Variants in PKP3 observed in about 807,000 individuals in gnomAD.
PKP3 encodes plakophilin 3.
In PKP3, 66 loss-of-function variants were observed where a neutral mutation model predicts 76.5. The observed-to-expected ratio is 0.86, with a 90% CI of 0.71 to 1.06. The LOEUF (loss-of-function observed/expected upper bound fraction) is 1.06. PKP3 is among the 50% of genes least tolerant of loss of function. The pLI, the probability that PKP3 is intolerant of heterozygous loss-of-function variation, is 0.00. For missense variants in PKP3, 1,338 were observed against 1,141.0 expected (o/e 1.17, Z -2.49); for synonymous variants, 638 against 516.5 (o/e 1.24, Z -3.19).
At chr11:403,830 A>C (rs1847202908) in intron 10 of PKP3, 59 bp downstream of exon 10, 5 of 1,595,008 alleles carry the variant, frequency 3.1e-6, no homozygotes, top group Non-Finnish European at 4.3e-6. Flanking sequence ...TTTTGTCTTT[A>C]AGTGTGGGCT....
At chr11:394,049 G>C, upstream of PKP3, 2 of 499,046 alleles carry the variant, frequency 4.0e-6, no homozygotes, top group Non-Finnish European at 6.8e-6. Context: ...CTGGGACCTG[G>C]GGCCATGCAG....
chr11:399,034 AAC>A lies in PKP3; in HGVS notation c.1112_1113del (p.Asn371ThrfsTer23). 2.5e-6 allele frequency: 4 copies of A among 1,604,586 alleles called. No homozygotes were observed. Among genetic ancestry groups the A allele is most frequent in the Non-Finnish European group, 3.4e-6 (4 of 1,174,228 alleles). Reference sequence around the variant, plus strand: ...CGTGCCTAGGCTGGTGAAGCTCTTCAACCACGCCAACCAGGAAGTGCAGCGCC... The same window carrying A: ...CGTGCCTAGGCTGGTGAAGCTCTTCACACGCCAACCAGGAAGTGCAGCGCC... ...QAVPRLVKLFNHANQEVQRHA... is the reference protein window; with the variant it reads ...QAVPRLVKLFXHANQEVQRHA... On this transcript the variant is annotated frameshift_variant, in exon 5 of 13. Coordinates refer to ENST00000331563, the MANE Select transcript of PKP3 (RefSeq NM_007183.4). LOFTEE classifies it high-confidence loss of function.
Position 403,670 on chromosome 11 carries a change from C to A in PKP3, c.1976C>A (p.Pro659His). ...LALEQERILN[P>H]LLDRVRTADH... ...CTGGAGCAGGAGCGTATTCTGAACC[C>A]CCTGCTAGACCGTGTCAGGACCGCC... Residue 659 changes from proline to histidine, a missense_variant, in exon 10 of 13, where the codon CCC becomes CAC. Physicochemically the swap from Pro to His is moderately conservative, Grantham distance 77. Coordinates refer to ENST00000331563, the MANE Select transcript of PKP3 (RefSeq NM_007183.4). 6.2e-7 allele frequency: 1 copy of A among 1,610,202 alleles called. No individual in the cohort carries two copies. Among genetic ancestry groups the A allele is most frequent in the Non-Finnish European group, 8.5e-7 (1 of 1,179,728 alleles).
intron 5 of PKP3, 50 bp from the exon 6 acceptor site, chr11:399,917 C>T: frequency 6.8e-7 from 1 of 1,471,380 alleles, no homozygotes; most frequent in East Asian, 2.4e-5. Flanking sequence ...CCCAGAAACG[C>T]GGAGGGGGTT....
chr11:400,502 A>ACCCGCGCCCCTGC (rs1438187533), intron 7 of PKP3, 33 bp from the exon 8 acceptor site: 10 of 1,495,672 alleles, frequency 6.7e-6, no homozygotes, highest in Non-Finnish European at 8.0e-6. Flanking sequence ...CGCCGCTCTG[A>ACCCGCGCCCCTGC]CCCGCGCCCC....
Position 397,155 on chromosome 11 carries a change from G to A in PKP3, c.654G>A (p.Gln218=). The part of the protein sequence containing the change: ...STYRAFAYER[Q]ASSSSSRAGG... ...ACAGGGCCTTTGCGTACGAGCGCCA[G>A]GCCAGCTCCAGCTCCAGCCGGGCAG... The change falls in exon 3 of 13, where the codon CAG becomes CAA. Residue 218 remains glutamine (Q), a synonymous_variant. Coordinates refer to ENST00000331563, the MANE Select transcript of PKP3 (RefSeq NM_007183.4). 6.3e-7 allele frequency: 1 copy of A among 1,598,084 alleles called. No individual in the cohort carries two copies. Among genetic ancestry groups the A allele is most frequent in the Non-Finnish European group, 8.5e-7 (1 of 1,179,262 alleles).
chr11:403,958 G>C lies in PKP3; in HGVS notation c.2093G>C (p.Ser698Thr). 6.2e-7 allele frequency: 1 copy of C among 1,602,590 alleles called. No individual in the cohort carries two copies. The highest frequency in any genetic ancestry group is 2.2e-5 in the East Asian group (1 of 44,688). Residue 698 changes from serine to threonine, a missense_variant, in exon 11 of 13, where the codon AGC (serine) becomes ACC (threonine). By Grantham distance (58) the Ser-to-Thr change is moderately conservative. Coordinates refer to ENST00000331563, the MANE Select transcript of PKP3 (RefSeq NM_007183.4). Reference protein sequence around the residue: ...NKDEMSTKVVSHLIEKLPGSV... With the variant: ...NKDEMSTKVVTHLIEKLPGSV... ...CCTCCCACAGCCACGAAGGTGGTGA[G>C]CCACCTGATCGAGAAGCTGCCGGGC...
Position 404,465 on chromosome 11 carries a change from G to A in PKP3, c.2359-69G>A, listed in dbSNP as rs760750808. 17 of 1,554,640 alleles carry A rather than the reference G, an allele frequency of 1.1e-5. No individual in the cohort carries two copies. In the Admixed American group the frequency reaches 2.3e-4, roughly 21 times the overall value. On this transcript the variant is annotated intron_variant, in intron 12 of 12. Transcript: ENST00000331563. This position sits in a 1 kb window ranked among gnomAD's most constrained non-coding sequence, Gnocchi z 4.2. ...TCCGGGCCACACCCAGCACACTGCA[G>A]GAGGGACAGCGGGCAGAGGGCCACA...
In PKP3 at chr11:400,575, AC is replaced by A; in HGVS notation, c.1609del (p.Arg537AlafsTer110). The A allele has an allele frequency of 6.7e-7, 1 of 1,482,652 alleles. No homozygotes were observed. The highest frequency in any genetic ancestry group is 8.9e-7 in the Non-Finnish European group (1 of 1,125,396). The allele number at this position is 1,482,652 out of a possible 1,614,324, so 91.8% of individuals were successfully genotyped here. A position where few individuals can be genotyped will look rare whatever the true frequency, so the allele number is the denominator to read the frequency against. The part of the protein sequence containing the change: ...NAVCVLRNLS[Y>X]RLYDEMPPSA... ...GTGTGCGTCCTGCGGAACCTGTCCT[AC>A]CGCCTCTACGACGAGATGCCGCCGT... On this transcript the variant is annotated frameshift_variant, in exon 8 of 13. Coordinates refer to ENST00000331563, the MANE Select transcript of PKP3 (RefSeq NM_007183.4). LOFTEE classifies it high-confidence loss of function.
In PKP3 at chr11:404,891, G is replaced by A. The variant is rs1234367046; in HGVS notation, c.*322G>A. On this transcript the variant is annotated 3_prime_UTR_variant, in exon 13 of 13. Coordinates refer to ENST00000331563, the MANE Select transcript of PKP3 (RefSeq NM_007183.4). This position sits in a 1 kb window ranked among gnomAD's most constrained non-coding sequence, Gnocchi z 4.2. Reference sequence around the variant, plus strand: ...TGGGATAGCCAGCACTGGGAATAAAGATGGCCATGAACAGTCACTGCCCTG... The same window carrying A: ...TGGGATAGCCAGCACTGGGAATAAAAATGGCCATGAACAGTCACTGCCCTG... 2 of 406,802 alleles carry A rather than the reference G, an allele frequency of 4.9e-6. No individual in the cohort carries two copies. Among genetic ancestry groups the A allele is most frequent in the East Asian group, 5.0e-5 (1 of 20,192 alleles). 25.2% of individuals were successfully genotyped at this position (406,802 alleles called of 1,614,324 possible).
In PKP3 at chr11:397,340, C is replaced by A; in HGVS notation, c.839C>A (p.Ser280Tyr). ...CTGGAGCCAGTGGCTCGAGCGCCAT[C>A]TGTGCGCAGCCTCAGCCTCAGCCTG... The part of the protein sequence containing the change: ...AVLEPVARAP[S>Y]VRSLSLSLAD... The change falls in exon 3 of 13, where the codon TCT becomes TAT. Residue 280 changes from serine to tyrosine, a missense_variant. Coordinates refer to ENST00000331563, the MANE Select transcript of PKP3 (RefSeq NM_007183.4). 6.3e-7 allele frequency: 1 copy of A among 1,584,254 alleles called. No individual in the cohort carries two copies. Among genetic ancestry groups the A allele is most frequent in the Non-Finnish European group, 8.6e-7 (1 of 1,168,120 alleles).
rs947731149 is a variant in PKP3 at position 403,825 on chromosome 11, T to C, written c.2077+54T>C. ...CTGCTGGACCCACATGTCAATTTTGTCTTTAAGTGTGGGCTTCAGACCACT... is the reference window on the plus strand; with the variant it reads ...CTGCTGGACCCACATGTCAATTTTGCCTTTAAGTGTGGGCTTCAGACCACT... On this transcript the variant is annotated intron_variant, in intron 10 of 12. Transcript: ENST00000331563. 3.4e-5 allele frequency: 54 copies of C among 1,596,702 alleles called. No homozygotes were observed. The East Asian group carries it at 6.3e-4, about 18-fold the overall frequency.
At chr11:392,706 C>T (rs1385036021), upstream of PKP3, 6 of 1,285,850 alleles carry the variant, frequency 4.7e-6, no homozygotes, top group African/African-American at 4.6e-5. Flanking sequence ...GACCACGAGC[C>T]GGGTAGGTCT....
rs1409351879 is a variant in PKP3 at position 404,683 on chromosome 11, C to T, written c.*114C>T. 28 of 999,592 alleles carry T rather than the reference C, an allele frequency of 2.8e-5. No individual in the cohort carries two copies. The highest frequency in any genetic ancestry group is 2.6e-4 in the Admixed American group (12 of 46,336). The allele number at this position is 999,592 out of a possible 1,614,324, so 61.9% of individuals were successfully genotyped here. On this transcript the variant is annotated 3_prime_UTR_variant, in exon 13 of 13. Transcript: ENST00000331563. The surrounding 1 kb of genome is among the most constrained non-coding windows in gnomAD (Gnocchi z 4.2). ...GAAGGCTAATGACGGAGGGGCCCCT[C>T]GCTGGGGCCCCTGTGTGCATCTTTG... is the stretch of plus-strand genomic sequence containing the variant.
At position 404,083 on chromosome 11, in the gene PKP3, C is replaced by T. The variant is rs1847210396; in HGVS notation, c.2218C>T (p.Leu740=). ...VASPIAARDL[L]YFDGLRKLIF... is the part of the protein sequence containing the mutation. ...CAGCCCCATCGCTGCCCGAGACCTG[C>T]TGTATTTTGACGGACTCCGAAAGCT... Residue 740 remains leucine (L), a synonymous_variant, in exon 11 of 13, where the codon CTG becomes TTG. Coordinates refer to ENST00000331563, the MANE Select transcript of PKP3 (RefSeq NM_007183.4). The surrounding 1 kb of genome is among the most constrained non-coding windows in gnomAD (Gnocchi z 4.2). The T allele has an allele frequency of 6.2e-7, 1 of 1,612,340 alleles. No homozygotes were observed. The highest frequency in any genetic ancestry group is 8.5e-7 in the Non-Finnish European group (1 of 1,179,668).
rs774313764 is a variant in PKP3, at chr11:397,385, C to CG, written c.886dup (p.Asp296GlyfsTer10). On this transcript the variant is annotated frameshift_variant, in exon 3 of 13. Coordinates refer to ENST00000331563, the MANE Select transcript of PKP3 (RefSeq NM_007183.4). LOFTEE classifies it high-confidence loss of function. ...AGCCTGGCTGACTCGGGCCACCTGC[C>CG]GGACGTGCATGGGTTCAACAGCTAC... is the stretch of plus-strand genomic sequence containing the variant. 1 of 1,610,126 alleles carries CG rather than the reference C, an allele frequency of 6.2e-7. No homozygotes were observed. The highest frequency in any genetic ancestry group is 1.7e-5 in the Admixed American group (1 of 59,600).
rs1564880792 is a variant in PKP3 at position 400,154 on chromosome 11, CGGGCAGCGGGGTG to C, written c.1448+17_1448+29del. 1 of 1,529,290 alleles carries C rather than the reference CGGGCAGCGGGGTG, an allele frequency of 6.5e-7. No individual in the cohort carries two copies. Among genetic ancestry groups the C allele is most frequent in the Non-Finnish European group, 8.8e-7 (1 of 1,141,538 alleles). 94.7% of individuals were successfully genotyped at this position (1,529,290 alleles called of 1,614,324 possible). A position where few individuals can be genotyped will look rare whatever the true frequency, so the allele number is the denominator to read the frequency against. ...CCGGCTTCCTCAGGTGCGCCAGCCT[CGGGCAGCGGGGTG>C]GGGATTGCAGGCGCGGGTCACTGTG... On this transcript the variant is annotated intron_variant, in intron 6 of 12. Coordinates refer to ENST00000331563, the MANE Select transcript of PKP3 (RefSeq NM_007183.4).
intron 2 of PKP3, 57 bp from the exon 3 acceptor site, chr11:396,757 C>T (rs1370674988): frequency 4.5e-6 from 7 of 1,568,822 alleles, no homozygotes; most frequent in Admixed American, 1.8e-5. Context: ...GGCTCTGCAG[C>T]GGGCCCGGAC....
Position 404,331 on chromosome 11 carries a change from TCCCGAGCCCAGGGCAAGCAGGGA to T in PKP3, c.2358+13_2358+35del. On this transcript the variant is annotated intron_variant, in intron 12 of 12. Transcript: ENST00000331563. The surrounding 1 kb of genome is among the most constrained non-coding windows in gnomAD (Gnocchi z 4.2). ...CACCGTGACTTCCGGGCGGTACGTT[TCCCGAGCCCAGGGCAAGCAGGGA>T]CCCGGGTGCAGGGCATGGGACGCCG... The T allele has an allele frequency of 6.2e-7, 1 of 1,610,582 alleles. No homozygotes were observed. Among genetic ancestry groups the T allele is most frequent in the Non-Finnish European group, 8.5e-7 (1 of 1,178,162 alleles).
Sources: allele counts gnomAD v4.1 joint callset, GRCh38; gene constraint gnomAD v4.1.1; non-coding constraint Gnocchi (gnomAD v3.1); transcripts MANE v1.5; gene names NCBI Gene and HGNC (gene_info 2026-07-23, HGNC 2026-07-21).